The following PCDH9 variants were observed in gnomAD, a reference collection of about 807,000 sequenced individuals.
PCDH9 encodes protocadherin-9.
In PCDH9, 24 loss-of-function variants were observed where a neutral mutation model predicts 70.6. The observed-to-expected ratio is 0.34, with a 90% CI of 0.25 to 0.48. PCDH9 has a LOEUF of 0.48. PCDH9 is among the 20% of genes least tolerant of loss of function. The pLI is 0.99. For synonymous variants in PCDH9, 562 were observed against 558.5 expected, an observed-to-expected ratio of 1.01 and a Z score of -0.09; for missense variants, 1,281 against 1,503.6, an observed-to-expected ratio of 0.85 and a Z score of 2.45.
At chr13:66,905,003 C>T (rs908584704) in intron 2 of PCDH9, among the ~76,000 whole-genome samples, 26 of 152,018 alleles carry the variant, frequency 1.7e-4, no homozygotes, top group African/African-American at 6.0e-4. Context: ...CCTCTAGCAA[C>T]TCTTTTCATG....
chr13:67,010,769 A>G (rs78812221), intron 2 of PCDH9, among the ~76,000 whole-genome samples: 4,709 of 152,066 alleles, frequency 0.031, 129 homozygotes, highest in South Asian at 0.11. Context: ...TACTATTAAT[A>G]ATTTAAAGAA....
intron 4 of PCDH9, among the ~76,000 whole-genome samples, chr13:66,318,778 C>A (rs779850112): frequency 6.6e-5 from 10 of 152,118 alleles, no homozygotes; most frequent in Non-Finnish European, 1.5e-4. Flanking sequence ...TATGGTTAAT[C>A]ACATTTGCTT....
At chr13:67,185,694 C>G (rs185743162) in intron 2 of PCDH9, among the ~76,000 whole-genome samples, 4 of 152,222 alleles carry the variant, frequency 2.6e-5, no homozygotes, top group African/African-American at 7.2e-5. Context: ...AAATTATTTT[C>G]TGGAATTAAA....
At chr13:66,710,924 C>T (rs1406605025) in intron 3 of PCDH9, among the ~76,000 whole-genome samples, 2 of 152,158 alleles carry the variant, frequency 1.3e-5, no homozygotes, top group African/African-American at 2.4e-5. Flanking sequence ...CTCCTGATTA[C>T]ATTGATCATA....
rs571059564 is a variant in PCDH9, at chr13:67,160,389, C to CA, written c.3036+65015dup. Among the ~76,000 whole-genome samples the CA allele has an allele frequency of 4.6e-3, 703 of 151,534 alleles. 4 individuals are homozygous for CA. The highest frequency in any genetic ancestry group is 0.016 in the African/African-American group (664 of 41,338). ...TGAAACCCTGTATCTACTAAAAATA[C>CA]AAAAAAAATTAGCCGGGCGTGGTGG... On this transcript the variant is annotated intron_variant, in intron 2 of 4. Coordinates refer to ENST00000377865, the MANE Select transcript of PCDH9 (RefSeq NM_203487.3).
chr13:66,590,735 C>T (rs1439642870), intron 4 of PCDH9, among the ~76,000 whole-genome samples: 2 of 151,854 alleles, frequency 1.3e-5, no homozygotes, highest in African/African-American at 4.8e-5. Flanking sequence ...CTAGCTCACA[C>T]TCAGAAATCC....
chr13:66,897,233 G>T (rs761269219), intron 3 of PCDH9, among the ~76,000 whole-genome samples: 3 of 151,584 alleles, frequency 2.0e-5, no homozygotes, highest in Non-Finnish European at 4.4e-5. Flanking sequence ...AGGGAGGGAA[G>T]AAAGGAAAGG....
chr13:66,403,977 GA>G (rs1275823899), intron 4 of PCDH9, among the ~76,000 whole-genome samples: 2 of 151,992 alleles, frequency 1.3e-5, no homozygotes, highest in Admixed American at 6.6e-5. Flanking sequence ...ATTGATTGGA[GA>G]AAAAAAGATA....
chr13:66,619,805 T>C (rs2077401037), intron 4 of PCDH9, among the ~76,000 whole-genome samples: 1 of 152,214 alleles, frequency 6.6e-6, no homozygotes, highest in South Asian at 2.1e-4. Context: ...CTGTACATTC[T>C]TAATTTTTTG....
At chr13:67,167,760 A>G (rs998388858) in intron 2 of PCDH9, among the ~76,000 whole-genome samples, 9 of 152,196 alleles carry the variant, frequency 5.9e-5, no homozygotes, top group Non-Finnish European at 1.0e-4. Context: ...CTTTTTATTT[A>G]TGATTCCACC....
chr13:66,888,695 T>A (rs995504091), intron 3 of PCDH9, among the ~76,000 whole-genome samples: 1 of 151,960 alleles, frequency 6.6e-6, no homozygotes, highest in Non-Finnish European at 1.5e-5. Context: ...AAGGCAGGGT[T>A]CAGAAAAAGG....
At chr13:66,549,547 G>GT (rs1388815759) in intron 4 of PCDH9, among the ~76,000 whole-genome samples, 1 of 151,664 alleles carries the variant, frequency 6.6e-6, no homozygotes. Context: ...TTAAAAAAAG[G>GT]TTTTTTTGGA....
At chr13:66,350,673 G>T (rs1487034378) in intron 4 of PCDH9, among the ~76,000 whole-genome samples, 3 of 152,076 alleles carry the variant, frequency 2.0e-5, no homozygotes, top group Admixed American at 6.6e-5. Context: ...CATATTCTGT[G>T]GATCTTCACA....
At chr13:67,223,832 A>G (rs1264313561) in intron 2 of PCDH9, 1 of 152,090 alleles carries the variant, frequency 6.6e-6, no homozygotes, top group Non-Finnish European at 1.5e-5. Flanking sequence ...TGTACTTTTA[A>G]AACGCTCTAC....
chr13:66,389,212 T>C (rs919966084), intron 4 of PCDH9, among the ~76,000 whole-genome samples: 1 of 152,172 alleles, frequency 6.6e-6, no homozygotes, highest in Non-Finnish European at 1.5e-5. Context: ...TTTAAAAATA[T>C]CTTTATGGGG....
chr13:66,333,302 C>A (rs922964373), intron 4 of PCDH9, among the ~76,000 whole-genome samples: 4 of 152,270 alleles, frequency 2.6e-5, no homozygotes, highest in Non-Finnish European at 1.5e-5. Flanking sequence ...ACATTAACTG[C>A]ATGAGACATC....
At chr13:66,985,858 G>A (rs1566342187) in intron 2 of PCDH9, 1 of 151,872 alleles carries the variant, frequency 6.6e-6, no homozygotes, top group Non-Finnish European at 1.5e-5. Flanking sequence ...TAATCAATCT[G>A]GAGAAAAAAA....
intron 4 of PCDH9, among the ~76,000 whole-genome samples, chr13:66,390,594 G>A (rs1957000896): frequency 6.6e-6 from 1 of 152,100 alleles, no homozygotes; most frequent in African/African-American, 2.4e-5. Context: ...AAATTAGCTA[G>A]ATGTGGTGGC....
chr13:66,796,283 T>C (rs1200337358), intron 3 of PCDH9, among the ~76,000 whole-genome samples: 1 of 152,190 alleles, frequency 6.6e-6, no homozygotes. Flanking sequence ...ATTTTTGTCA[T>C]GTGTACAGAG....
Sources: gnomAD v4.1 joint callset for allele counts (sites outside exome capture counted in the v4.1 genomes callset) on GRCh38, gnomAD v4.1.1 for gene constraint, MANE v1.5 for transcripts, NCBI Gene and HGNC (gene_info 2026-07-23, HGNC 2026-07-21) for gene names.